Variants in PTGER3 observed in about 807,000 individuals in gnomAD.
PTGER3 encodes prostaglandin E2 receptor EP3 subtype.
A neutral mutation model predicts 34.7 loss-of-function variants in PTGER3; 22 were observed. The ratio of observed to expected loss-of-function variants is 0.63; its 90% CI spans 0.45 to 0.91. The LOEUF (loss-of-function observed/expected upper bound fraction) is 0.91. Ranked by LOEUF, PTGER3 falls within the 40% of genes least tolerant of loss-of-function variation. The pLI is 0.00. For synonymous variants in PTGER3, 241 were observed against 230.1 expected (o/e 1.05, Z -0.43); for missense variants, 468 against 519.4 (o/e 0.90, Z 0.96).
intron 1 of PTGER3, among the ~76,000 whole-genome samples, chr1:71,046,175 C>T (rs1660775049): frequency 6.7e-6 from 1 of 149,494 alleles, no homozygotes; most frequent in East Asian, 2.0e-4. Context: ...GTCCCAGCTA[C>T]TCGGAGAGGC....
intron 2 of PTGER3, among the ~76,000 whole-genome samples, chr1:71,005,700 AT>A (rs1422333596): frequency 1.3e-5 from 2 of 152,060 alleles, no homozygotes; most frequent in Non-Finnish European, 1.5e-5. Flanking sequence ...TCCAGAATGG[AT>A]TTACTCAAGG....
intron 4 of PTGER3, among the ~76,000 whole-genome samples, chr1:70,869,039 C>A (rs1467966554): frequency 6.6e-6 from 1 of 152,110 alleles, no homozygotes; most frequent in Admixed American, 6.6e-5. Context: ...AATTAAACCT[C>A]TTTTTTTAAA....
rs35648522 is a variant in PTGER3, at chr1:70,954,843, T to TAA, written c.1078-1056_1078-1055dup. Among the ~76,000 whole-genome samples, 12 of 151,608 alleles carry TAA rather than the reference T, an allele frequency of 7.9e-5. No individual in the cohort carries two copies. The South Asian group carries it at 1.9e-3, about 24-fold the overall frequency. ...AAAGGAAGAAAAAACACATGACCGT[T>TAA]AAAAAAAAGAAACTACAAATATACT... On this transcript the variant is annotated intron_variant, in intron 2 of 3. Transcript: ENST00000356595.
rs527835846 is a variant in PTGER3 at position 70,875,227 on chromosome 1, G to A, written c.*24-22368C>T. 2.0e-5 allele frequency among the ~76,000 whole-genome samples: 3 copies of A among 152,286 alleles called. No individual in the cohort carries two copies. The South Asian group carries it at 6.2e-4, about 32-fold the overall frequency. ...ATGGGTTTGCAATGGCTTTCCTTCA[G>A]CCACTTTCTGGTTAAGATCTGAAGG... On this transcript the variant is annotated intron_variant, in intron 4 of 4. Transcript: ENST00000370931.
At chr1:70,938,888 C>A (rs978055834) in intron 4 of PTGER3, among the ~76,000 whole-genome samples, 3 of 152,128 alleles carry the variant, frequency 2.0e-5, no homozygotes, top group African/African-American at 7.2e-5. Context: ...AATTCCACGC[C>A]GGCCCCTCCA....
In PTGER3 at chr1:71,038,441, T is replaced by G. The variant is rs543645476; in HGVS notation, c.897+8240A>C. Among the ~76,000 whole-genome samples, 27 of 152,288 alleles carry G rather than the reference T, an allele frequency of 1.8e-4. 1 individual carries two copies. In the South Asian group the frequency reaches 5.6e-3, roughly 32 times the overall value. ...TTATCTTGTATCTATATTGCACAAC[T>G]TTTGCCTAAATTAGTAGGCATTTTC... On this transcript the variant is annotated intron_variant, in intron 1 of 3. Transcript: ENST00000306666.
intron 4 of PTGER3, among the ~76,000 whole-genome samples, chr1:70,855,485 A>C (rs970705057): frequency 5.9e-5 from 9 of 152,204 alleles, no homozygotes; most frequent in African/African-American, 2.2e-4. Context: ...GTTATGTTAA[A>C]ATGTGTTTTC....
At chr1:70,865,566 A>G (rs1267954691) in intron 4 of PTGER3, 4 of 1,180,086 alleles carry the variant, frequency 3.4e-6, no homozygotes, top group Non-Finnish European at 4.5e-6. Context: ...TCAGGCCACA[A>G]AAAGATAGGT....
intron 4 of PTGER3, among the ~76,000 whole-genome samples, chr1:70,917,967 T>C (rs898616150): frequency 6.6e-6 from 1 of 152,054 alleles, no homozygotes; most frequent in Non-Finnish European, 1.5e-5. Flanking sequence ...GTCAGGTGTA[T>C]AGTTTGCAAG....
At chr1:70,856,608 T>C (rs905181734) in intron 4 of PTGER3, among the ~76,000 whole-genome samples, 3 of 152,220 alleles carry the variant, frequency 2.0e-5, no homozygotes, top group Admixed American at 1.3e-4. Flanking sequence ...CTCTTTATTA[T>C]GGGCTTTTTC....
rs538972360 is a variant in PTGER3, at chr1:70,984,473, G to A, written c.1078-10085C>T. Among the ~76,000 whole-genome samples the A allele has an allele frequency of 1.2e-4, 19 of 152,006 alleles. No individual in the cohort carries two copies. In the South Asian group the frequency reaches 3.1e-3, roughly 25 times the overall value. On this transcript the variant is annotated intron_variant, in intron 2 of 3. Transcript: ENST00000306666. ...CTAATAAAACAATAAGGGTAACTCT[G>A]CAAGGCCAAGGTGGGAGGATCACTT...
chr1:71,019,024 A>C (rs1188114689), intron 1 of PTGER3, among the ~76,000 whole-genome samples: 1 of 152,202 alleles, frequency 6.6e-6, no homozygotes, highest in Non-Finnish European at 1.5e-5. Context: ...TGGGGCTCCA[A>C]ATTCTTCATC....
Position 71,045,424 on chromosome 1 carries a change from A to G in PTGER3, c.897+1257T>C, listed in dbSNP as rs562637926. On this transcript the variant is annotated intron_variant, in intron 1 of 3. Transcript: ENST00000306666. ...TTCAAAGGTTTTCCACAACTGTATA[A>G]TACATATAGTTGGTTATACCTTTGT... is the stretch of plus-strand genomic sequence containing the variant. Among the ~76,000 whole-genome samples, 9 of 152,336 alleles carry G rather than the reference A, an allele frequency of 5.9e-5. No homozygotes were observed. The East Asian group carries it at 1.7e-3, about 29-fold the overall frequency.
In PTGER3 at chr1:70,933,584, C is replaced by T. The variant is rs552420588; in HGVS notation, c.*23+20179G>A. On this transcript the variant is annotated intron_variant, in intron 4 of 4. Coordinates refer to the PTGER3 transcript ENST00000370931. The stretch of plus-strand genomic sequence containing the variant: ...TTCATTTTTATTTGCCTAGGCTCAG[C>T]GCATAGGAGGTACCAAATAAACAGT... Among the ~76,000 whole-genome samples, 14 of 152,220 alleles carry T rather than the reference C, an allele frequency of 9.2e-5. No homozygotes were observed. In the South Asian group the frequency reaches 2.5e-3, roughly 27 times the overall value.
chr1:71,025,693 T>C (rs990613908), intron 1 of PTGER3, among the ~76,000 whole-genome samples: 1 of 152,208 alleles, frequency 6.6e-6, no homozygotes, highest in Non-Finnish European at 1.5e-5. Context: ...TATGCTTGCC[T>C]GTGAGGTGAG....
At chr1:71,036,238 A>G (rs1228098733) in intron 1 of PTGER3, among the ~76,000 whole-genome samples, 1 of 152,212 alleles carries the variant, frequency 6.6e-6, no homozygotes, top group East Asian at 1.9e-4. Flanking sequence ...CTTCTGGTCA[A>G]AGAGGAGATC....
intron 3 of PTGER3, among the ~76,000 whole-genome samples, chr1:70,972,022 TTTTCC>T (rs1653136271): frequency 1.3e-5 from 2 of 152,072 alleles, no homozygotes; most frequent in Non-Finnish European, 2.9e-5. Context: ...AAATAGAATA[TTTTCC>T]TATCAAAACA....
intron 2 of PTGER3, among the ~76,000 whole-genome samples, chr1:70,964,160 A>G: frequency 6.6e-6 from 1 of 152,162 alleles, no homozygotes. Flanking sequence ...GTCTCTAGGA[A>G]GTTCCATACT....
At chr1:70,917,878 A>G (rs993012666) in intron 4 of PTGER3, among the ~76,000 whole-genome samples, 19 of 151,970 alleles carry the variant, frequency 1.3e-4, no homozygotes, top group African/African-American at 2.4e-4. Flanking sequence ...TCTTTTGCCA[A>G]TTTTAAAAAT....
Sources: gnomAD v4.1 joint callset for allele counts (sites outside exome capture counted in the v4.1 genomes callset) on GRCh38, gnomAD v4.1.1 for gene constraint, MANE v1.5 for transcripts, NCBI Gene and HGNC (gene_info 2026-07-23, HGNC 2026-07-21) for gene names.